PDE4D: variants seen among roughly 807,000 people sequenced by gnomAD.
PDE4D encodes phosphodiesterase 4D, also known as 3',5'-cyclic-AMP phosphodiesterase 4D.
In PDE4D, 24 loss-of-function variants were observed where a neutral mutation model predicts 87.4. The observed-to-expected ratio is 0.27, with a 90% CI of 0.20 to 0.39. The LOEUF (loss-of-function observed/expected upper bound fraction) is 0.39. Among genes scored for constraint, PDE4D ranks in the 10% least tolerant of loss-of-function variants. PDE4D has a pLI of 1.00. For missense variants in PDE4D, 714 were observed against 1,041.0 expected (o/e 0.69, Z 4.32); for synonymous variants, 384 against 383.2 (o/e 1.00, Z -0.02).
intron 4 of PDE4D, among the ~76,000 whole-genome samples, chr5:59,181,429 A>G (rs60852242): frequency 0.012 from 1,862 of 151,628 alleles, 38 homozygotes; most frequent in African/African-American, 0.043. Flanking sequence ...AATATCATTT[A>G]TAAAGTATCC....
chr5:59,126,341 C>T (rs1004288860), intron 5 of PDE4D, among the ~76,000 whole-genome samples: 4 of 152,100 alleles, frequency 2.6e-5, no homozygotes, highest in East Asian at 1.9e-4. Context: ...ATCTTTCTTT[C>T]GATTATTACA....
At chr5:59,519,626 G>GACA (rs1811830990) in intron 1 of PDE4D, among the ~76,000 whole-genome samples, 1 of 152,194 alleles carries the variant, frequency 6.6e-6, no homozygotes, top group South Asian at 2.1e-4. Flanking sequence ...CATAGATCAT[G>GACA]TAGAAGTTTA....
At position 59,227,320 on chromosome 5, in the gene PDE4D, T is replaced by C. The variant is rs180853822; in HGVS notation, c.456-11352A>G. ...AACCAAATAAATACCACTTTGAACA[T>C]AGGAACTGGCAAAGATTTCATGATA... On this transcript the variant is annotated intron_variant, in intron 1 of 14. Transcript: ENST00000340635. Among the ~76,000 whole-genome samples the C allele has an allele frequency of 8.5e-4, 129 of 152,110 alleles. 1 individual carries two copies. Among genetic ancestry groups the C allele is most frequent in the African/African-American group, 3.0e-3 (123 of 41,494 alleles).
At chr5:59,004,090 A>C (rs1580226031) in intron 6 of PDE4D, among the ~76,000 whole-genome samples, 1 of 152,186 alleles carries the variant, frequency 6.6e-6, no homozygotes, top group Non-Finnish European at 1.5e-5. Flanking sequence ...CTTCCTTCAT[A>C]ATACTGTACT....
chr5:59,172,862 T>C (rs1162733295), intron 5 of PDE4D: 3 of 152,010 alleles, frequency 2.0e-5, no homozygotes, highest in Admixed American at 2.0e-4. Flanking sequence ...ATGCCATATA[T>C]AAGGTGCATG....
intron 1 of PDE4D, among the ~76,000 whole-genome samples, chr5:59,428,718 G>A (rs1201219382): frequency 1.3e-5 from 2 of 152,046 alleles, no homozygotes; most frequent in African/African-American, 2.4e-5. Context: ...TGATTTGGAT[G>A]TTCTTCCATT....
At chr5:60,506,989 T>C (rs1454368275) in intron 1 of PDE4D, among the ~76,000 whole-genome samples, 2 of 152,252 alleles carry the variant, frequency 1.3e-5, no homozygotes, top group Admixed American at 6.5e-5. Flanking sequence ...TAACATGTTA[T>C]TCTGTTCACA....
intron 1 of PDE4D, among the ~76,000 whole-genome samples, chr5:60,514,727 C>CA (rs151224415): frequency 0.088 from 13,257 of 151,134 alleles, 1,646 homozygotes; most frequent in African/African-American, 0.28. Context: ...GTTAACACCA[C>CA]AAAAAAAATA....
chr5:59,604,851 G>T (rs1287787574), intron 1 of PDE4D, among the ~76,000 whole-genome samples: 1 of 151,886 alleles, frequency 6.6e-6, no homozygotes, highest in African/African-American at 2.4e-5. Flanking sequence ...GTACAATTTA[G>T]CAAATTTTTA....
At chr5:60,235,386 T>C (rs1377660732) in intron 1 of PDE4D, among the ~76,000 whole-genome samples, 4 of 151,928 alleles carry the variant, frequency 2.6e-5, no homozygotes, top group Non-Finnish European at 5.9e-5. Context: ...TAATGATTAT[T>C]ACAGGTATAA....
intron 1 of PDE4D, among the ~76,000 whole-genome samples, chr5:59,800,035 T>TG (rs765633721): frequency 6.6e-6 from 1 of 152,042 alleles, no homozygotes; most frequent in Non-Finnish European, 1.5e-5. Context: ...AAGACTATTA[T>TG]GGGGAGAAAA....
chr5:59,709,525 A>G (rs1753908552), intron 1 of PDE4D, among the ~76,000 whole-genome samples: 1 of 152,208 alleles, frequency 6.6e-6, no homozygotes, highest in African/African-American at 2.4e-5. Context: ...GGGAGTAGCA[A>G]GAAACAGAAG....
chr5:59,180,789 G>C (rs998647983), intron 4 of PDE4D, 145 bp from the exon 5 acceptor site: 1 of 764,372 alleles, frequency 1.3e-6, no homozygotes. Context: ...AGACTAGCCA[G>C]ACAAGTCCCT....
At chr5:59,674,638 G>T (rs1475300976) in intron 1 of PDE4D, among the ~76,000 whole-genome samples, 1 of 152,024 alleles carries the variant, frequency 6.6e-6, no homozygotes, top group Admixed American at 6.6e-5. Context: ...ATGTCCAAAT[G>T]GCTTTCTTTC....
rs1382564769 is a variant in PDE4D at position 59,356,699 on chromosome 5, G to T, written c.456-140731C>A. 4 of 1,396,254 alleles carry T rather than the reference G, an allele frequency of 2.9e-6. No individual in the cohort carries two copies. The African/African-American group carries it at 4.4e-5, about 15-fold the overall frequency. 86.5% of individuals were successfully genotyped at this position (1,396,254 alleles called of 1,614,324 possible). A position where few individuals can be genotyped will look rare whatever the true frequency, so the allele number is the denominator to read the frequency against. ...GTCAACATAGGGCAAAGGCTTATTT[G>T]CAAGGGGCCTAAGGCAGTTAAACAA... On this transcript the variant is annotated intron_variant, in intron 1 of 14. Transcript: ENST00000340635.
intron 1 of PDE4D, among the ~76,000 whole-genome samples, chr5:59,862,014 C>T (rs6876534): frequency 6.6e-6 from 1 of 152,062 alleles, no homozygotes; most frequent in Non-Finnish European, 1.5e-5. Context: ...ACTTGCTTGT[C>T]CTCCTGTGCC....
chr5:59,484,420 T>C (rs1804763039), intron 1 of PDE4D, among the ~76,000 whole-genome samples: 1 of 152,204 alleles, frequency 6.6e-6, no homozygotes, highest in Admixed American at 6.5e-5. Flanking sequence ...TGTGAATACT[T>C]GACTCCCCTA....
At chr5:59,974,824 C>T (rs1467813931) in intron 3 of PDE4D, among the ~76,000 whole-genome samples, 1 of 152,188 alleles carries the variant, frequency 6.6e-6, no homozygotes, top group Non-Finnish European at 1.5e-5. Context: ...CTCCCATTCT[C>T]ATTCTTTCCA....
intron 1 of PDE4D, among the ~76,000 whole-genome samples, chr5:59,514,352 G>T (rs544849234): frequency 2.0e-5 from 3 of 152,064 alleles, no homozygotes; most frequent in East Asian, 3.9e-4. Context: ...TGATCCACCC[G>T]CCTCGGCCTC....
Sources: gnomAD v4.1 joint callset for allele counts (sites outside exome capture counted in the v4.1 genomes callset) on GRCh38, gnomAD v4.1.1 for gene constraint, MANE v1.5 for transcripts, NCBI Gene and HGNC (gene_info 2026-07-23, HGNC 2026-07-21) for gene names.